The following NUP42 variants were observed in gnomAD, a reference collection of about 807,000 sequenced individuals.
The protein encoded by NUP42 is nucleoporin NUP42.
A neutral mutation model predicts 35.9 loss-of-function variants in NUP42; 47 were observed. The observed-to-expected ratio is 1.31, with a 90% confidence interval of 1.04 to 1.67. The LOEUF (loss-of-function observed/expected upper bound fraction) is 1.67, where lower values mean the gene tolerates loss of function less well. Among genes scored for constraint, NUP42 ranks in the 40% most tolerant of loss-of-function variants. The pLI, the probability that NUP42 is intolerant of heterozygous loss-of-function variation, is 0.00. For synonymous variants in NUP42, 173 were observed against 173.3 expected (o/e 1.00, Z 0.01); for missense variants, 514 against 492.2 (o/e 1.04, Z -0.42).
intron 3 of NUP42, among the ~76,000 whole-genome samples, chr7:23,191,965 A>C (rs1010209748): frequency 1.3e-5 from 2 of 152,178 alleles, no homozygotes; most frequent in Non-Finnish European, 2.9e-5. Flanking sequence ...CTCAAAAATA[A>C]AAAACAAGTT....
chr7:23,200,091 G>A (rs969944423), intron 6 of NUP42, 77 bp from the exon 7 acceptor site: 8 of 1,011,444 alleles, frequency 7.9e-6, no homozygotes, highest in Non-Finnish European at 1.1e-5. Flanking sequence ...AAAAAGATAG[G>A]GGGAGGAAAT....
intron 6 of NUP42, 38 bp downstream of exon 6, chr7:23,199,580 A>G: frequency 1.3e-6 from 2 of 1,535,258 alleles, no homozygotes; most frequent in Non-Finnish European, 1.8e-6. Context: ...ACTGATTTAG[A>G]AAAATTAGAT....
At chr7:23,196,561 C>T (rs764890565) in intron 4 of NUP42, 119 bp from the exon 5 acceptor site, 16 of 703,216 alleles carry the variant, frequency 2.3e-5, no homozygotes, top group Non-Finnish European at 3.9e-5. Context: ...AGTCATGGGC[C>T]ATAAAACTGT....
At chr7:23,199,125 T>G (rs924049681) in intron 5 of NUP42, among the ~76,000 whole-genome samples, 3 of 152,190 alleles carry the variant, frequency 2.0e-5, no homozygotes, top group Non-Finnish European at 4.4e-5. Context: ...TTTCTTCTCT[T>G]TTCTTTTTTT....
chr7:23,199,525 CA>C lies in NUP42; in HGVS notation c.679del (p.Thr227HisfsTer167). ...TTTGGATTTGGCAGCAGTCAAGCAGCAACATTTATGTCGCCAGGTAAGTGAT... is the reference window on the plus strand; with the variant it reads ...TTTGGATTTGGCAGCAGTCAAGCAGCACATTTATGTCGCCAGGTAAGTGAT... ...PAFGFGSSQA[A>X]TFMSPGFPVN... On this transcript the variant is annotated frameshift_variant, in exon 6 of 7. Transcript: ENST00000258742. LOFTEE classifies it low-confidence loss of function (END_TRUNC). The C allele has an allele frequency of 6.2e-7, 1 of 1,613,812 alleles. No individual in the cohort carries two copies. The highest frequency in any genetic ancestry group is 8.5e-7 in the Non-Finnish European group (1 of 1,179,792).
chr7:23,188,154 A>G, intron 3 of NUP42: 1 of 1,317,960 alleles, frequency 7.6e-7, no homozygotes, highest in Non-Finnish European at 9.7e-7. Context: ...GAGCTCTTGC[A>G]ATCAATATCG....
chr7:23,185,038 G>A, intron 1 of NUP42, 32 bp from the exon 2 acceptor site: 1 of 1,543,660 alleles, frequency 6.5e-7, no homozygotes, highest in Non-Finnish European at 8.8e-7. Flanking sequence ...AAAGTTGCTA[G>A]TAAAATTATT....
intron 3 of NUP42, among the ~76,000 whole-genome samples, chr7:23,193,788 G>A (rs1044680432): frequency 2.6e-5 from 4 of 152,328 alleles, no homozygotes; most frequent in Admixed American, 2.0e-4. Context: ...AGGGGGTGGC[G>A]CTCCTCGTGG....
chr7:23,199,652 A>G (rs1296577224), intron 6 of NUP42, 110 bp downstream of exon 6: 12 of 904,972 alleles, frequency 1.3e-5, no homozygotes, highest in Admixed American at 1.9e-5. Flanking sequence ...AAATTCTACA[A>G]CCTTCCATCA....
intron 5 of NUP42, among the ~76,000 whole-genome samples, 160 bp downstream of exon 5, chr7:23,196,926 A>T (rs568778617): frequency 6.6e-6 from 1 of 152,352 alleles, no homozygotes; most frequent in South Asian, 2.1e-4. Flanking sequence ...GGGTCTTGAA[A>T]TAGTTTTCTC....
chr7:23,188,557 G>T (rs1785682934), intron 3 of NUP42: 1 of 982,320 alleles, frequency 1.0e-6, no homozygotes, highest in African/African-American at 1.7e-5. Context: ...ATAGTTGTCA[G>T]ATAAAATATG....
chr7:23,198,012 G>A (rs1281184798), intron 5 of NUP42, among the ~76,000 whole-genome samples: 1 of 151,964 alleles, frequency 6.6e-6, no homozygotes, highest in Non-Finnish European at 1.5e-5. Context: ...ACTTCGGGAG[G>A]CTGAGGCAGG....
chr7:23,197,159 C>T, intron 5 of NUP42: 1 of 1,265,928 alleles, frequency 7.9e-7, no homozygotes, highest in Non-Finnish European at 1.0e-6. Context: ...CAGTATGTTC[C>T]TTGTCTTAAA....
chr7:23,199,443 A>G lies in NUP42; in HGVS notation c.610-15A>G, dbSNP rs769520905. 2 of 1,588,560 alleles carry G rather than the reference A, an allele frequency of 1.3e-6. No individual in the cohort carries two copies. The highest frequency in any genetic ancestry group is 2.2e-5 in the South Asian group (2 of 90,494). On this transcript the variant is annotated splice_polypyrimidine_tract_variant and intron_variant, in intron 5 of 6. Coordinates refer to ENST00000258742, the MANE Select transcript of NUP42 (RefSeq NM_007342.3). ...TCATCAAGCACTTTATTATTTGCAC[A>G]CTTTTTTTTTTCAGCTCTCTGATGT...
chr7:23,188,233 C>A, intron 3 of NUP42: 4 of 1,249,484 alleles, frequency 3.2e-6, no homozygotes, highest in Non-Finnish European at 4.0e-6. Flanking sequence ...TGCATTACAA[C>A]GCTTCTTATT....
chr7:23,199,613 C>T, intron 6 of NUP42, 71 bp downstream of exon 6: 19 of 1,231,926 alleles, frequency 1.5e-5, no homozygotes, highest in Non-Finnish European at 1.2e-6. Context: ...AAATTACAAG[C>T]CTGAATCGCC....
chr7:23,182,230 C>T (rs766014473), intron 1 of NUP42, 24 bp downstream of exon 1: 4 of 1,583,044 alleles, frequency 2.5e-6, no homozygotes, highest in Non-Finnish European at 3.4e-6. Flanking sequence ...GAATCCTCCG[C>T]GGTAACCGAG....
intron 3 of NUP42, chr7:23,187,945 T>TGG: frequency 4.1e-6 from 2 of 489,802 alleles, no homozygotes; most frequent in African/African-American, 2.1e-5. Flanking sequence ...TGTCTCTCTC[T>TGG]CTCTCTCTGG....
At chr7:23,193,242 A>G (rs1260883787) in intron 3 of NUP42, among the ~76,000 whole-genome samples, 2 of 152,194 alleles carry the variant, frequency 1.3e-5, no homozygotes, top group Non-Finnish European at 1.5e-5. Context: ...CGAAGCTTCC[A>G]CAGTGTGGAA....
Sources: allele counts gnomAD v4.1 joint callset (sites outside exome capture counted in the v4.1 genomes callset), GRCh38; gene constraint gnomAD v4.1.1; transcripts MANE v1.5; gene names NCBI Gene and HGNC (gene_info 2026-07-23, HGNC 2026-07-21).